Variants in FMN1 observed in about 807,000 individuals in gnomAD.
The protein encoded by FMN1 is formin-1.
In FMN1, 110 loss-of-function variants were observed where a neutral mutation model predicts 132.4. That is an observed-to-expected ratio of 0.83 (90% confidence interval 0.71 to 0.97). The LOEUF (loss-of-function observed/expected upper bound fraction) is 0.97. FMN1 is among the 50% of genes least tolerant of loss of function. The probability of loss-of-function intolerance (pLI) is 0.00; values close to 1 mark genes in which losing one functional copy is unlikely to be tolerated. For missense variants in FMN1, 1,792 were observed against 1,705.3 expected (o/e 1.05, Z -0.90); for synonymous variants, 722 against 651.7 (o/e 1.11, Z -1.64).
chr15:33,058,302 G>A (rs1378979757), intron 6 of FMN1, among the ~76,000 whole-genome samples: 1 of 152,160 alleles, frequency 6.6e-6, no homozygotes, highest in Non-Finnish European at 1.5e-5. Context: ...TGTGGAATAT[G>A]GAGTATCGAC....
intron 4 of FMN1, among the ~76,000 whole-genome samples, chr15:33,126,696 A>C (rs1010566018): frequency 7.8e-6 from 1 of 127,816 alleles, no homozygotes; most frequent in Non-Finnish European, 1.8e-5. Context: ...ACAGGAAGCG[A>C]AGGCAATAAA....
intron 7 of FMN1, among the ~76,000 whole-genome samples, chr15:32,997,559 C>T (rs930123995): frequency 3.3e-5 from 5 of 152,110 alleles, no homozygotes; most frequent in Non-Finnish European, 7.3e-5. Context: ...TCAGGTAGTT[C>T]GAAATTATCT....
intron 17 of FMN1, among the ~76,000 whole-genome samples, chr15:32,825,719 G>T (rs79219273): frequency 0.031 from 4,700 of 152,306 alleles, 115 homozygotes; most frequent in African/African-American, 0.063. Context: ...AAAATGGGCT[G>T]AAGAAATTTT....
intron 3 of FMN1, among the ~76,000 whole-genome samples, chr15:33,174,637 T>C (rs914356123): frequency 6.6e-6 from 1 of 152,216 alleles, no homozygotes; most frequent in African/African-American, 2.4e-5. Flanking sequence ...CATAATTTGA[T>C]CCACTGATAC....
At chr15:33,036,192 T>C (rs2036184888) in intron 6 of FMN1, among the ~76,000 whole-genome samples, 1 of 152,220 alleles carries the variant, frequency 6.6e-6, no homozygotes, top group Admixed American at 6.5e-5. Flanking sequence ...CATTTCTTTA[T>C]TGTGTCCTTA....
chr15:33,107,094 T>G (rs1476012108), intron 4 of FMN1, among the ~76,000 whole-genome samples: 2 of 152,146 alleles, frequency 1.3e-5, no homozygotes, highest in Non-Finnish European at 2.9e-5. Flanking sequence ...CCCACCTAAT[T>G]AAATAGCTCT....
chr15:33,036,358 T>C (rs987454430), intron 6 of FMN1, among the ~76,000 whole-genome samples: 47 of 152,242 alleles, frequency 3.1e-4, no homozygotes, highest in Non-Finnish European at 6.6e-4. Flanking sequence ...ACATACTTCC[T>C]TCACACATAA....
At position 32,951,743 on chromosome 15, in the gene FMN1, CTCTT is replaced by C. The variant is rs1276717236; in HGVS notation, c.3138+12360_3138+12363del. Among the ~76,000 whole-genome samples the C allele has an allele frequency of 6.6e-5, 10 of 152,194 alleles. 1 individual carries two copies. The highest frequency in any genetic ancestry group is 2.2e-4 in the African/African-American group (9 of 41,448). The stretch of plus-strand genomic sequence containing the variant: ...ACCTTTGAAGCAGACATTAATATTA[CTCTT>C]TCTTTACAGATGAGAAAACTGTACG... On this transcript the variant is annotated intron_variant, in intron 9 of 20. Transcript: ENST00000616417.
rs1567354125 is a variant in FMN1, at chr15:32,900,001, T to G, written c.3632A>C (p.Lys1211Thr). The G allele has an allele frequency of 6.2e-7, 1 of 1,613,864 alleles. No homozygotes were observed. Reference sequence around the variant, plus strand: ...TACCCGACTTTTGACATCCTTGAGTTTGGGCAGAATTTCTAAGCTATATCC... The same window carrying G: ...TACCCGACTTTTGACATCCTTGAGTGTGGGCAGAATTTCTAAGCTATATCC... Reference protein sequence around the residue: ...ADGYSLEILPKLKDVKSRDNG... With the variant: ...ADGYSLEILPTLKDVKSRDNG... The change falls in exon 14 of 21, where the codon AAA becomes ACA. Residue 1211 changes from lysine (K) to threonine (T), a missense_variant. Around this residue, in one of 3 missense-constraint regions of FMN1, gnomAD observed 1,150 missense variants for 1,043.1 expected, o/e 1.10. Coordinates refer to ENST00000616417, the MANE Select transcript of FMN1 (RefSeq NM_001277313.2).
intron 7 of FMN1, among the ~76,000 whole-genome samples, chr15:32,984,712 A>C (rs1283985819): frequency 2.0e-5 from 3 of 152,168 alleles, no homozygotes; most frequent in Non-Finnish European, 4.4e-5. Flanking sequence ...CCTTAGAGAA[A>C]AGCGTGAACA....
At chr15:32,800,393 G>T (rs1006746599) in intron 18 of FMN1, among the ~76,000 whole-genome samples, 3 of 152,166 alleles carry the variant, frequency 2.0e-5, no homozygotes, top group African/African-American at 7.2e-5. Flanking sequence ...GAGAAAAACC[G>T]GGAAGGGAAG....
chr15:32,794,325 A>G (rs993905854), intron 19 of FMN1, among the ~76,000 whole-genome samples: 19 of 152,192 alleles, frequency 1.2e-4, no homozygotes, highest in African/African-American at 4.6e-4. Context: ...CTTACCCATT[A>G]TGGGGTTTTT....
At chr15:33,179,869 T>G (rs966772774) in intron 3 of FMN1, among the ~76,000 whole-genome samples, 71 of 152,202 alleles carry the variant, frequency 4.7e-4, no homozygotes, top group African/African-American at 1.6e-3. Context: ...CTTCCTTGCT[T>G]CTTTTTGATT....
intron 10 of FMN1, among the ~76,000 whole-genome samples, chr15:32,924,284 A>G (rs572943860): frequency 1.3e-5 from 2 of 152,352 alleles, no homozygotes; most frequent in African/African-American, 4.8e-5. Flanking sequence ...ATGAGCTTAA[A>G]TACGATACAG....
rs370123551 is a variant in FMN1, at chr15:33,059,648, A to G, written c.2161+5309T>C. ...TATCTCCAAATTATAATTCCAACTC[A>G]TAATTATTACACATAATTTATCAAC... On this transcript the variant is annotated intron_variant, in intron 6 of 20. Transcript: ENST00000616417. Among the ~76,000 whole-genome samples, 99 of 152,354 alleles carry G rather than the reference A, an allele frequency of 6.5e-4. 1 individual carries two copies. The highest frequency in any genetic ancestry group is 2.3e-3 in the African/African-American group (97 of 41,582).
intron 9 of FMN1, among the ~76,000 whole-genome samples, chr15:32,928,131 A>T (rs1049841060): frequency 6.6e-6 from 1 of 152,180 alleles, no homozygotes; most frequent in Admixed American, 6.5e-5. Context: ...CTACTTTCAT[A>T]TAACGATTAG....
chr15:33,026,096 T>TACAC (rs58334971), intron 6 of FMN1, among the ~76,000 whole-genome samples: 3,237 of 144,778 alleles, frequency 0.022, 42 homozygotes, highest in African/African-American at 0.025. Flanking sequence ...TGCTTAGGCA[T>TACAC]ACACACACAC....
chr15:33,194,519 C>G (rs1049645928), intron 1 of FMN1, 59 bp downstream of exon 1: 7 of 152,882 alleles, frequency 4.6e-5, no homozygotes, highest in African/African-American at 1.7e-4. Context: ...AGCAGGCAGC[C>G]TTTGGTCGGG....
intron 4 of FMN1, among the ~76,000 whole-genome samples, chr15:33,120,611 T>C (rs1962458645): frequency 2.6e-5 from 1 of 38,830 alleles, no homozygotes; most frequent in Non-Finnish European, 4.7e-5. Flanking sequence ...ACCAAGATAC[T>C]GTTCGGCAGC....
Sources: allele counts gnomAD v4.1 joint callset (sites outside exome capture counted in the v4.1 genomes callset), GRCh38; gene constraint gnomAD v4.1.1; regional missense constraint gnomAD v4.1.1; transcripts MANE v1.5; gene names NCBI Gene and HGNC (gene_info 2026-07-23, HGNC 2026-07-21).